GDE1: variants seen among roughly 807,000 people sequenced by gnomAD.
The protein encoded by GDE1 is glycerophosphodiester phosphodiesterase 1, also known as RGS16-interacting membrane protein.
A neutral mutation model predicts 32.2 loss-of-function variants in GDE1; 24 were observed. The observed-to-expected ratio is 0.75, with a 90% CI of 0.54 to 1.05. The LOEUF (loss-of-function observed/expected upper bound fraction) is 1.05, where lower values mean the gene tolerates loss of function less well. Among genes scored for constraint, GDE1 ranks in the 50% least tolerant of loss-of-function variants. GDE1 has a pLI of 0.00. For synonymous variants in GDE1, 159 were observed against 158.6 expected (o/e 1.00, Z -0.02); for missense variants, 380 against 415.0 (o/e 0.92, Z 0.73).
intron 5 of GDE1, 152 bp from the exon 6 acceptor site, chr16:19,503,769 C>T (rs1969209539): frequency 3.2e-6 from 2 of 624,734 alleles, no homozygotes; most frequent in South Asian, 4.1e-5. Flanking sequence ...GGGACTGTTC[C>T]AAAACCCAGG....
chr16:19,507,716 A>C lies in GDE1; in HGVS notation c.607T>G (p.Cys203Gly), dbSNP rs1441325825. 1 of 1,579,798 alleles carries C rather than the reference A, an allele frequency of 6.3e-7. No homozygotes were observed. The part of the protein sequence containing the change: ...FPQLYNNSVV[C>G]SFLPEVIYKM... ...TAGATAACTTCTGGCAAGAAAGAAC[A>C]GACCACACTATTATTATACAGTTGA... The change falls in exon 4 of 6, where the codon TGT becomes GGT. Residue 203 changes from cysteine to glycine, a missense_variant. Transcript: ENST00000353258.
intron 1 of GDE1, among the ~76,000 whole-genome samples, chr16:19,520,472 C>T (rs1969436436): frequency 6.6e-6 from 1 of 151,340 alleles, no homozygotes; most frequent in Admixed American, 6.6e-5. Context: ...GCCTGTAATC[C>T]TAGTACCTTG....
Position 19,521,790 on chromosome 16 carries a change from G to A in GDE1, c.175C>T (p.Leu59Phe), listed in dbSNP as rs1969458709. The stretch of plus-strand genomic sequence containing the variant: ...GCAGAAATGCGGTCCCGGGGCTTGA[G>A]CACCTGCAGGGCCCTGCAAGAGGGC... ...PVPSCRALQV[L>F]KPRDRISAIA... The change falls in exon 1 of 6, where the codon CTC becomes TTC. Residue 59 changes from leucine to phenylalanine, a missense_variant. Coordinates refer to ENST00000353258, the MANE Select transcript of GDE1 (RefSeq NM_016641.4). 2.5e-6 allele frequency: 4 copies of A among 1,611,704 alleles called. No individual in the cohort carries two copies. Among genetic ancestry groups the A allele is most frequent in the African/African-American group, 1.3e-5 (1 of 74,926 alleles).
In GDE1 at chr16:19,521,875, A is replaced by G; in HGVS notation, c.90T>C (p.Asn30=). 1 of 1,605,236 alleles carries G rather than the reference A, an allele frequency of 6.2e-7. No homozygotes were observed. The highest frequency in any genetic ancestry group is 8.5e-7 in the Non-Finnish European group (1 of 1,176,838). The part of the protein sequence containing the change: ...VLLLVTRSPV[N]ACLLTGSLFV... ...AGAGGCTGCCGGTGAGGAGGCAGGC[A>G]TTGACCGGGCTCCGCGTCACCAGCA... The change falls in exon 1 of 6, where the codon AAT becomes AAC. Residue 30 remains asparagine (N), a synonymous_variant. Transcript: ENST00000353258.
intron 4 of GDE1, among the ~76,000 whole-genome samples, chr16:19,507,278 G>A (rs367894598): frequency 1.3e-5 from 2 of 152,110 alleles, no homozygotes; most frequent in South Asian, 4.1e-4. Context: ...GGGGTTATGG[G>A]TGAAATGAGC....
intron 1 of GDE1, chr16:19,521,390 C>G (rs960673842): frequency 8.6e-6 from 3 of 347,786 alleles, no homozygotes; most frequent in African/African-American, 2.1e-5. Context: ...TATGTGTTTA[C>G]TTGTTTAAGG....
At chr16:19,512,079 T>G (rs1434738717) in intron 2 of GDE1, among the ~76,000 whole-genome samples, 3 of 152,180 alleles carry the variant, frequency 2.0e-5, no homozygotes, top group Non-Finnish European at 2.9e-5. Context: ...TTTGGATAGA[T>G]ACCAACTAGT....
intron 1 of GDE1, 87 bp downstream of exon 1, chr16:19,521,617 T>C (rs1386801289): frequency 1.4e-6 from 2 of 1,459,866 alleles, no homozygotes; most frequent in Non-Finnish European, 1.9e-6. Context: ...GGGAAGGCCG[T>C]CCTGAGAAGA....
chr16:19,521,358 A>C (rs1415016572), intron 1 of GDE1: 1 of 246,734 alleles, frequency 4.1e-6, no homozygotes, highest in Non-Finnish European at 7.7e-6. Flanking sequence ...TGCACCTTTC[A>C]CTCTCTTAAA....
chr16:19,512,988 A>G (rs1282784876), intron 2 of GDE1, among the ~76,000 whole-genome samples: 1 of 138,484 alleles, frequency 7.2e-6, no homozygotes, highest in African/African-American at 2.7e-5. Flanking sequence ...TACCAATACC[A>G]TGCTGTTTTG....
chr16:19,503,746 C>A (rs1969209333), intron 5 of GDE1, 129 bp from the exon 6 acceptor site: 2 of 721,886 alleles, frequency 2.8e-6, no homozygotes, highest in South Asian at 1.8e-5. Flanking sequence ...CTGGCCTCTG[C>A]ACTGTGATCA....
intron 1 of GDE1, among the ~76,000 whole-genome samples, chr16:19,520,218 A>G (rs1328857822): frequency 6.6e-6 from 1 of 151,924 alleles, no homozygotes; most frequent in African/African-American, 2.4e-5. Context: ...TACATTCTCC[A>G]CATGGGCCAG....
At position 19,504,975 on chromosome 16, in the gene GDE1, TAAC is replaced by T. The variant is rs751189103; in HGVS notation, c.751_753del (p.Val251del). Reference sequence around the variant, plus strand: ...CTCCAATCGAGCAAAATGTCCATCATAACAAATATAAAATGTTTCCAGAAAGTA... The same window carrying T: ...CTCCAATCGAGCAAAATGTCCATCATAAATATAAAATGTTTCCAGAAAGTA... On this transcript the variant is annotated inframe_deletion, in exon 5 of 6. Coordinates refer to ENST00000353258, the MANE Select transcript of GDE1 (RefSeq NM_016641.4). 1 of 1,613,158 alleles carries T rather than the reference TAAC, an allele frequency of 6.2e-7. No individual in the cohort carries two copies. The highest frequency in any genetic ancestry group is 8.5e-7 in the Non-Finnish European group (1 of 1,179,088).
In GDE1 at chr16:19,501,724, T is replaced by C. The variant is rs1969176737; in HGVS notation, c.*1746A>G. The C allele has an allele frequency of 6.6e-6, 1 of 152,238 alleles. No homozygotes were observed. The highest frequency in any genetic ancestry group is 1.5e-5 in the Non-Finnish European group (1 of 68,026). 9.4% of individuals were successfully genotyped at this position (152,238 alleles called of 1,614,324 possible). ...TCAATGAACAAATCTTTGTTGTTTA[T>C]TTTAAAATTCAAGACAATTTTTTTG... On this transcript the variant is annotated 3_prime_UTR_variant, in exon 6 of 6. Transcript: ENST00000353258.
At chr16:19,517,626 T>C (rs1314771150) in intron 1 of GDE1, among the ~76,000 whole-genome samples, 2 of 152,228 alleles carry the variant, frequency 1.3e-5, no homozygotes, top group Non-Finnish European at 2.9e-5. Flanking sequence ...GTCAGGTTTT[T>C]GTTGGTTTAA....
chr16:19,504,637 C>A (rs551504548), intron 5 of GDE1: 1 of 442,122 alleles, frequency 2.3e-6, no homozygotes, highest in African/African-American at 2.0e-5. Context: ...CATAGTGTCA[C>A]AGGTTCATTT....
At chr16:19,510,753 T>C in intron 3 of GDE1, 86 bp downstream of exon 3, 1 of 600,188 alleles carries the variant, frequency 1.7e-6, no homozygotes. Flanking sequence ...AAAGAATAAA[T>C]AACAAAATAT....
At chr16:19,518,808 T>C (rs567092368) in intron 1 of GDE1, among the ~76,000 whole-genome samples, 2 of 152,388 alleles carry the variant, frequency 1.3e-5, no homozygotes, top group Admixed American at 6.5e-5. Flanking sequence ...TAACGTCCTT[T>C]ATGGGTGGAG....
At chr16:19,505,119 T>C (rs780076983) in intron 4 of GDE1, 27 bp from the exon 5 acceptor site, 1 of 1,416,294 alleles carries the variant, frequency 7.1e-7, no homozygotes, top group Admixed American at 1.7e-5. Flanking sequence ...GGAAGTAAAA[T>C]AATGATCATA....
Sources: allele counts gnomAD v4.1 joint callset (sites outside exome capture counted in the v4.1 genomes callset), GRCh38; gene constraint gnomAD v4.1.1; transcripts MANE v1.5; gene names NCBI Gene and HGNC (gene_info 2026-07-23, HGNC 2026-07-21).